The following MAN1C1 variants were observed in gnomAD, a reference collection of about 807,000 sequenced individuals.
MAN1C1 encodes mannosyl-oligosaccharide 1,2-alpha-mannosidase IC.
MAN1C1 carries 49 observed loss-of-function variants against 71.5 expected under a neutral mutation model. The ratio of observed to expected loss-of-function variants is 0.69; its 90% CI spans 0.54 to 0.87. MAN1C1 has a LOEUF of 0.87. Among genes scored for constraint, MAN1C1 ranks in the 40% least tolerant of loss-of-function variants. The pLI is 0.00. For missense variants in MAN1C1, 743 were observed against 835.0 expected, an observed-to-expected ratio of 0.89 and a Z score of 1.36; for synonymous variants, 352 against 343.7, an observed-to-expected ratio of 1.02 and a Z score of -0.27.
chr1:25,685,425 C>T (rs577455312), intron 1 of MAN1C1, among the ~76,000 whole-genome samples: 14 of 152,342 alleles, frequency 9.2e-5, no homozygotes, highest in African/African-American at 3.1e-4. Context: ...CAGAACTCTG[C>T]TGTGTTGTGC....
chr1:25,747,373 C>T (rs1483164843), intron 3 of MAN1C1, among the ~76,000 whole-genome samples: 2 of 152,256 alleles, frequency 1.3e-5, no homozygotes, highest in Non-Finnish European at 2.9e-5. Flanking sequence ...GATGGCACAA[C>T]AGCCTTGAAC....
At chr1:25,648,452 G>C (rs533057455) in intron 1 of MAN1C1, among the ~76,000 whole-genome samples, 98 of 152,146 alleles carry the variant, frequency 6.4e-4, no homozygotes, top group Non-Finnish European at 1.2e-3. Flanking sequence ...AGAACCTGGA[G>C]GAGGAGGAGG....
At chr1:25,644,518 A>ATATATATATAT (rs61386117) in intron 1 of MAN1C1, 6 of 40,292 alleles carry the variant, frequency 1.5e-4, no homozygotes, top group African/African-American at 9.5e-4. Context: ...ATATATATAT[A>ATATATATATAT]TTTTTTTTTT....
At chr1:25,741,390 A>G (rs565245472) in intron 2 of MAN1C1, among the ~76,000 whole-genome samples, 39 of 152,284 alleles carry the variant, frequency 2.6e-4, no homozygotes, top group African/African-American at 9.1e-4. Context: ...ATGGGGAGGA[A>G]CCAGCACAGG....
At chr1:25,734,927 T>C (rs2046960806) in intron 2 of MAN1C1, among the ~76,000 whole-genome samples, 1 of 152,228 alleles carries the variant, frequency 6.6e-6, no homozygotes, top group South Asian at 2.1e-4. Context: ...GTCAGGGATG[T>C]CTTCACGGAG....
intron 2 of MAN1C1, among the ~76,000 whole-genome samples, chr1:25,692,942 G>A (rs780392684): frequency 3.3e-5 from 5 of 152,102 alleles, no homozygotes; most frequent in Admixed American, 2.6e-4. Context: ...TCTTTTATGC[G>A]TGCCTAATAA....
intron 2 of MAN1C1, among the ~76,000 whole-genome samples, chr1:25,712,487 G>A (rs1392939958): frequency 6.6e-6 from 1 of 152,236 alleles, no homozygotes; most frequent in Non-Finnish European, 1.5e-5. Flanking sequence ...CGGCTTCCTG[G>A]GAGAAGGGGC....
intron 1 of MAN1C1, among the ~76,000 whole-genome samples, chr1:25,633,052 G>A (rs1238881247): frequency 6.6e-5 from 10 of 151,994 alleles, no homozygotes; most frequent in Admixed American, 6.6e-4. Context: ...ATTTTTAGTA[G>A]AGACGGGGTT....
chr1:25,728,242 C>G (rs1239067513), intron 2 of MAN1C1, among the ~76,000 whole-genome samples: 1 of 152,212 alleles, frequency 6.6e-6, no homozygotes, highest in African/African-American at 2.4e-5. Flanking sequence ...CTGCACTCCC[C>G]TGCCTCAGCA....
intron 2 of MAN1C1, chr1:25,709,782 G>T (rs1199559229): frequency 2.6e-5 from 4 of 152,016 alleles, no homozygotes; most frequent in African/African-American, 9.7e-5. Flanking sequence ...TCTCACTCTT[G>T]TCGCCCAGAC....
intron 2 of MAN1C1, among the ~76,000 whole-genome samples, chr1:25,706,345 C>T (rs185435216): frequency 1.3e-5 from 2 of 152,306 alleles, no homozygotes; most frequent in Admixed American, 1.3e-4. Flanking sequence ...GCACCCCTTC[C>T]TGGATTCTCA....
chr1:25,671,885 G>T (rs556615713), intron 1 of MAN1C1, among the ~76,000 whole-genome samples: 10 of 152,288 alleles, frequency 6.6e-5, no homozygotes, highest in Admixed American at 6.5e-4. Context: ...GCATTAATTA[G>T]GATTCTCCAG....
chr1:25,661,179 C>T (rs1245972068), intron 1 of MAN1C1, among the ~76,000 whole-genome samples: 3 of 152,288 alleles, frequency 2.0e-5, no homozygotes, highest in South Asian at 2.1e-4. Context: ...GTTGTTAAAC[C>T]GCACACTGCT....
chr1:25,701,046 A>G (rs1421678435), intron 2 of MAN1C1, among the ~76,000 whole-genome samples: 2 of 152,284 alleles, frequency 1.3e-5, no homozygotes, highest in South Asian at 2.1e-4. Context: ...AAAAGCGAAC[A>G]TGATAATGAA....
At chr1:25,691,559 G>T (rs565430267) in intron 2 of MAN1C1, among the ~76,000 whole-genome samples, 32 of 152,330 alleles carry the variant, frequency 2.1e-4, no homozygotes, top group Middle Eastern at 3.4e-3. Flanking sequence ...TTCATCAAGC[G>T]TCAGCTGCGA....
chr1:25,618,393 AC>A (rs1225884295), intron 1 of MAN1C1, 56 bp downstream of exon 1: 1 of 1,508,990 alleles, frequency 6.6e-7, no homozygotes, highest in African/African-American at 1.4e-5. Flanking sequence ...AGGAGAGAAG[AC>A]CCTCTGGCGC....
Position 25,694,022 on chromosome 1 carries a change from C to A in MAN1C1, c.637+7486C>A, listed in dbSNP as rs192787249. Among the ~76,000 whole-genome samples the A allele has an allele frequency of 5.9e-5, 9 of 152,222 alleles. No homozygotes were observed. In the East Asian group the frequency reaches 1.7e-3, roughly 29 times the overall value. On this transcript the variant is annotated intron_variant, in intron 2 of 11. Coordinates refer to ENST00000374332, the MANE Select transcript of MAN1C1 (RefSeq NM_020379.4). ...AAGTAATAATGAGAATAAGTATAGT[C>A]CAAGGAAAGAAACAGTGCCTGGTGC...
intron 2 of MAN1C1, among the ~76,000 whole-genome samples, chr1:25,728,784 C>T (rs760268028): frequency 1.3e-5 from 2 of 152,120 alleles, no homozygotes; most frequent in African/African-American, 2.4e-5. Flanking sequence ...CCTGCCTGGG[C>T]GGCTATTTCC....
intron 8 of MAN1C1, chr1:25,777,737 C>G (rs902637513): frequency 5.0e-6 from 1 of 200,768 alleles, no homozygotes; most frequent in Non-Finnish European, 9.9e-6. Context: ...GGGCCTGGAC[C>G]CCTGAAGCCC....
Sources: allele counts gnomAD v4.1 joint callset (sites outside exome capture counted in the v4.1 genomes callset), GRCh38; gene constraint gnomAD v4.1.1; transcripts MANE v1.5; gene names NCBI Gene and HGNC (gene_info 2026-07-23, HGNC 2026-07-21).